ELK4: variants seen among roughly 807,000 people sequenced by gnomAD.
ELK4 encodes ETS domain-containing protein Elk-4.
In ELK4, 16 loss-of-function variants were observed where a neutral mutation model predicts 29.6. The ratio of observed to expected loss-of-function variants is 0.54; its 90% CI spans 0.37 to 0.82. The LOEUF is 0.82. Among genes scored for constraint, ELK4 ranks in the 40% least tolerant of loss-of-function variants. The pLI is 0.00. For synonymous variants in ELK4, 213 were observed against 191.1 expected (o/e 1.11, Z -0.95); for missense variants, 465 against 507.1 (o/e 0.92, Z 0.80).
At chr1:205,630,696 G>A (rs993176317) in intron 1 of ELK4, among the ~76,000 whole-genome samples, 1 of 152,218 alleles carries the variant, frequency 6.6e-6, no homozygotes, top group Non-Finnish European at 1.5e-5. Context: ...GGAATGAACA[G>A]ATTCCACTTA....
At chr1:205,619,095 T>C (rs563519653) in intron 3 of ELK4, 22 bp from the exon 4 acceptor site, 4 of 1,495,708 alleles carry the variant, frequency 2.7e-6, no homozygotes, top group Admixed American at 4.5e-5. Flanking sequence ...AAAGCAAAAA[T>C]ATTCACTGAC....
At position 205,620,634 on chromosome 1, in the gene ELK4, G is replaced by C. The variant is rs143034780; in HGVS notation, c.412C>G (p.Arg138Gly). Residue 138 changes from arginine to glycine, a missense_variant, in exon 3 of 5, where the codon CGC becomes GGC. Coordinates refer to ENST00000357992, the MANE Select transcript of ELK4 (RefSeq NM_001973.4). ...PPQPGAKTSS[R>G]NDYIHSGLYS... ...AAGCCAGAGTGTATGTAGTCATTGC[G>C]GCTAGAGGTCTTGGCACCAGGCTGA... 6.2e-7 allele frequency: 1 copy of C among 1,614,070 alleles called. No individual in the cohort carries two copies. Among genetic ancestry groups the C allele is most frequent in the Non-Finnish European group, 8.5e-7 (1 of 1,180,004 alleles).
rs1670599585 is a variant in ELK4, at chr1:205,631,850, C to T, written c.-228G>A. 6.7e-6 allele frequency: 1 copy of T among 148,226 alleles called. No individual in the cohort carries two copies. The highest frequency in any genetic ancestry group is 2.4e-5 in the African/African-American group (1 of 40,912). 9.2% of individuals were successfully genotyped at this position (148,226 alleles called of 1,614,324 possible). A position where few individuals can be genotyped will look rare whatever the true frequency, so the allele number is the denominator to read the frequency against. ...CCGCGGCTCCTGGCGCCCCGCCCTC[C>T]CCGCCCCCGCACGCGGCAGCGGCGG... On this transcript the variant is annotated 5_prime_UTR_variant, in exon 1 of 5. Transcript: ENST00000357992.
Position 205,610,812 on chromosome 1 carries a change from G to A in ELK4, c.*5734C>T, listed in dbSNP as rs1056412235. 1.7e-5 allele frequency: 4 copies of A among 231,508 alleles called. No individual in the cohort carries two copies. The highest frequency in any genetic ancestry group is 3.4e-5 in the Non-Finnish European group (4 of 117,072). 14.3% of individuals were successfully genotyped at this position (231,508 alleles called of 1,614,324 possible). A position where few individuals can be genotyped will look rare whatever the true frequency, so the allele number is the denominator to read the frequency against. On this transcript the variant is annotated 3_prime_UTR_variant, in exon 5 of 5. Coordinates refer to ENST00000357992, the MANE Select transcript of ELK4 (RefSeq NM_001973.4). ...ACACACACATTCAGTCAATACATCA[G>A]TATATATGCATACACATACATTTAC... is the stretch of plus-strand genomic sequence containing the variant.
At chr1:205,628,973 A>T (rs1670519091) in intron 1 of ELK4, among the ~76,000 whole-genome samples, 1 of 152,002 alleles carries the variant, frequency 6.6e-6, no homozygotes, top group African/African-American at 2.4e-5. Flanking sequence ...GGAGATGGAG[A>T]CCATCCTGGC....
rs776383313 is a variant in ELK4, at chr1:205,623,910, GAT to G, written c.-9-21_-9-20del. On this transcript the variant is annotated intron_variant, in intron 1 of 4. Transcript: ENST00000357992. Reference sequence around the variant, plus strand: ...CAATGAGCTGAAAGAATATAGATAAGATATGTGATAATATTAACAGCCAACAC... The same window carrying G: ...CAATGAGCTGAAAGAATATAGATAAGATGTGATAATATTAACAGCCAACAC... 3.7e-6 allele frequency: 6 copies of G among 1,607,848 alleles called. No individual in the cohort carries two copies. In the South Asian group the frequency reaches 6.6e-5, roughly 18 times the overall value.
Position 205,614,817 on chromosome 1 carries a change from A to C in ELK4, c.*1729T>G, listed in dbSNP as rs553015786. The C allele has an allele frequency of 4.4e-6, 1 of 227,140 alleles. No individual in the cohort carries two copies. Among genetic ancestry groups the C allele is most frequent in the African/African-American group, 2.2e-5 (1 of 45,128 alleles). 14.1% of individuals were successfully genotyped at this position (227,140 alleles called of 1,614,324 possible). On this transcript the variant is annotated 3_prime_UTR_variant, in exon 5 of 5. Coordinates refer to ENST00000357992, the MANE Select transcript of ELK4 (RefSeq NM_001973.4). Reference sequence around the variant, plus strand: ...TCATGTGATTCTACAGGATTAGAAGACGAGTTTAACCGGTGGGAGAGATTG... The same window carrying C: ...TCATGTGATTCTACAGGATTAGAAGCCGAGTTTAACCGGTGGGAGAGATTG...
chr1:205,610,304 C>T lies in ELK4; in HGVS notation c.*6242G>A, dbSNP rs71633559. On this transcript the variant is annotated 3_prime_UTR_variant, in exon 5 of 5. Transcript: ENST00000357992. Reference sequence around the variant, plus strand: ...TGAGAAGATCATTCAGCCCAAGACACTCCACTCTGAGGTTTTGGCTAATAC... The same window carrying T: ...TGAGAAGATCATTCAGCCCAAGACATTCCACTCTGAGGTTTTGGCTAATAC... 13 of 231,592 alleles carry T rather than the reference C, an allele frequency of 5.6e-5. No homozygotes were observed. Among genetic ancestry groups the T allele is most frequent in the Non-Finnish European group, 7.7e-5 (9 of 116,988 alleles). The allele number at this position is 231,592 out of a possible 1,614,324, so 14.3% of individuals were successfully genotyped here. A position where few individuals can be genotyped will look rare whatever the true frequency, so the allele number is the denominator to read the frequency against.
chr1:205,609,299 C>G lies in ELK4; in HGVS notation c.*7247G>C, dbSNP rs1314967021. ...ATAATTTTAAGAAACTAATTTTAAT[C>G]AAAAATTTTTACTTGCCTCAAACTA... On this transcript the variant is annotated 3_prime_UTR_variant, in exon 5 of 5. Transcript: ENST00000357992. The G allele has an allele frequency of 2.7e-5, 5 of 188,292 alleles. No homozygotes were observed. The highest frequency in any genetic ancestry group is 1.2e-4 in the African/African-American group (5 of 42,830). 11.7% of individuals were successfully genotyped at this position (188,292 alleles called of 1,614,324 possible).
At chr1:205,620,998 C>G (rs1670334218) in intron 2 of ELK4, among the ~76,000 whole-genome samples, 160 bp from the exon 3 acceptor site, 1 of 151,868 alleles carries the variant, frequency 6.6e-6, no homozygotes, top group African/African-American at 2.4e-5. Flanking sequence ...AGATTGAGAC[C>G]AGCCTGGCCA....
At chr1:205,627,621 T>A (rs1454811838) in intron 1 of ELK4, among the ~76,000 whole-genome samples, 8 of 152,050 alleles carry the variant, frequency 5.3e-5, no homozygotes, top group African/African-American at 1.7e-4. Flanking sequence ...GAATTATATC[T>A]CAATAAAGAT....
rs1064406 is a variant in ELK4 at position 205,620,446 on chromosome 1, C to T, written c.600G>A (p.Pro200=). 0.1 allele frequency: 168,976 copies of T among 1,613,918 alleles called. 11,020 individuals carry two copies. The highest frequency in any genetic ancestry group is 0.32 in the East Asian group (14,351 of 44,844). The change falls in exon 3 of 5, where the codon CCG becomes CCA. Residue 200 remains proline, a synonymous_variant. Coordinates refer to ENST00000357992, the MANE Select transcript of ELK4 (RefSeq NM_001973.4). ...KFVTTPSKKP[P]VEPVAATISI... is the part of the protein sequence containing the mutation. Reference sequence around the variant, plus strand: ...AAATGGTGGCAGCAACAGGTTCAACCGGTGGCTTTTTGGAAGGTGTCGTGA... The same window carrying T: ...AAATGGTGGCAGCAACAGGTTCAACTGGTGGCTTTTTGGAAGGTGTCGTGA...
rs117360919 is a variant in ELK4, at chr1:205,608,555, T to G, written c.*7991A>C. 1 of 197,900 alleles carries G rather than the reference T, an allele frequency of 5.1e-6. No individual in the cohort carries two copies. Among genetic ancestry groups the G allele is most frequent in the Non-Finnish European group, 1.0e-5 (1 of 95,638 alleles). The allele number at this position is 197,900 out of a possible 1,614,324, so 12.3% of individuals were successfully genotyped here. On this transcript the variant is annotated 3_prime_UTR_variant, in exon 5 of 5. Transcript: ENST00000357992. ...TGTTAGCAGTGACCATTTTAATTGC[T>G]TTTTTAGGAAAAAGAAAAAAAAAAG... is the stretch of plus-strand genomic sequence containing the variant.
intron 1 of ELK4, among the ~76,000 whole-genome samples, chr1:205,625,294 TAA>T (rs34460220): frequency 1.3e-3 from 186 of 147,794 alleles, no homozygotes; most frequent in Admixed American, 1.7e-3. Context: ...CGCCTACGAC[TAA>T]AAAAAAAAAA....
At chr1:205,630,846 G>A (rs1214863590) in intron 1 of ELK4, among the ~76,000 whole-genome samples, 1 of 152,174 alleles carries the variant, frequency 6.6e-6, no homozygotes, top group African/African-American at 2.4e-5. Context: ...GGGGGTGTAG[G>A]GGGTGGGAAA....
At position 205,620,075 on chromosome 1, in the gene ELK4, C is replaced by G. The variant is rs1558021033; in HGVS notation, c.971G>C (p.Gly324Ala). ...NNSSRSKKPK[G>A]LELAPTLVIT... ...CACAAGGGTGGGTGCCAGTTCTAAC[C>G]CTTTGGGTTTCTTGGATCTTGATGA... Residue 324 changes from glycine (G) to alanine (A), a missense_variant, in exon 3 of 5, where the codon GGG becomes GCG. By Grantham distance (60) the Gly-to-Ala change is moderately conservative. Coordinates refer to ENST00000357992, the MANE Select transcript of ELK4 (RefSeq NM_001973.4). The G allele has an allele frequency of 6.2e-7, 1 of 1,614,196 alleles. No individual in the cohort carries two copies. Among genetic ancestry groups the G allele is most frequent in the Non-Finnish European group, 8.5e-7 (1 of 1,180,044 alleles).
Position 205,609,106 on chromosome 1 carries a change from C to A in ELK4, c.*7440G>T, listed in dbSNP as rs1407157514. The A allele has an allele frequency of 1.1e-5, 2 of 188,972 alleles. No homozygotes were observed. Among genetic ancestry groups the A allele is most frequent in the Non-Finnish European group, 2.2e-5 (2 of 89,874 alleles). The allele number at this position is 188,972 out of a possible 1,614,324, so 11.7% of individuals were successfully genotyped here. A position where few individuals can be genotyped will look rare whatever the true frequency, so the allele number is the denominator to read the frequency against. ...GTGTATGGAATTTAAAATAATCTAA[C>A]CTAGAGCTATTTCCCATTAATCAAA... is the stretch of plus-strand genomic sequence containing the variant. On this transcript the variant is annotated 3_prime_UTR_variant, in exon 5 of 5. Transcript: ENST00000357992.
intron 4 of ELK4, 145 bp downstream of exon 4, chr1:205,618,812 G>A (rs1288371449): frequency 2.1e-5 from 11 of 524,960 alleles, no homozygotes; most frequent in Non-Finnish European, 3.2e-5. Flanking sequence ...GACATGGTGA[G>A]GACTCCATCT....
chr1:205,628,029 A>G (rs1008564348), intron 1 of ELK4, among the ~76,000 whole-genome samples: 1 of 152,214 alleles, frequency 6.6e-6, no homozygotes, highest in East Asian at 1.9e-4. Flanking sequence ...AAATAAATAA[A>G]AGCACTCATA....
Sources: allele counts gnomAD v4.1 joint callset (sites outside exome capture counted in the v4.1 genomes callset), GRCh38; gene constraint gnomAD v4.1.1; transcripts MANE v1.5; gene names NCBI Gene and HGNC (gene_info 2026-07-23, HGNC 2026-07-21).